Variants in ZHX3 observed in about 807,000 individuals in gnomAD.
ZHX3 encodes zinc fingers and homeoboxes protein 3.
Under a neutral mutation model 64.5 loss-of-function variants are expected in ZHX3, and 20 were observed. That is an observed-to-expected ratio of 0.31 (90% CI 0.22 to 0.45). The LOEUF (loss-of-function observed/expected upper bound fraction) is 0.45. Among genes scored for constraint, ZHX3 ranks in the 20% least tolerant of loss-of-function variants. The pLI is 1.00. For synonymous variants in ZHX3, 423 were observed against 461.6 expected (o/e 0.92, Z 1.07); for missense variants, 1,041 against 1,195.8 (o/e 0.87, Z 1.91).
At chr20:41,287,344 C>A (rs2043988406) in intron 1 of ZHX3, among the ~76,000 whole-genome samples, 1 of 152,090 alleles carries the variant, frequency 6.6e-6, no homozygotes, top group South Asian at 2.1e-4. Context: ...CATGTATTAC[C>A]ATTTGACACA....
intron 2 of ZHX3, among the ~76,000 whole-genome samples, chr20:41,234,072 T>C (rs1013253868): frequency 6.6e-6 from 1 of 152,198 alleles, no homozygotes; most frequent in Admixed American, 6.5e-5. Flanking sequence ...GCAAAGGGTC[T>C]GACTAAGAAG....
intron 2 of ZHX3, among the ~76,000 whole-genome samples, chr20:41,255,630 G>A (rs2042210431): frequency 6.6e-6 from 1 of 152,056 alleles, no homozygotes; most frequent in Non-Finnish European, 1.5e-5. Flanking sequence ...TACCAACAAG[G>A]ACATATCTAC....
chr20:41,202,651 A>T lies in ZHX3; in HGVS notation c.2266T>A (p.Ser756Thr), dbSNP rs770952598. 9.3e-6 allele frequency: 15 copies of T among 1,613,258 alleles called. No homozygotes were observed. The highest frequency in any genetic ancestry group is 1.3e-5 in the Non-Finnish European group (15 of 1,179,874). ...LGACDPEDDE[S>T]NKLAEQLPGK... ...GGGAGCTGCTCTGCCAGTTTGTTTG[A>T]CTCATCATCCTCAGGGTCACAGGCA... Residue 756 changes from serine (S) to threonine (T), a missense_variant, in exon 3 of 4, where the codon TCA (serine) becomes ACA (threonine). By Grantham distance (58) the Ser-to-Thr change is moderately conservative (BLOSUM62 1). Coordinates refer to ENST00000683867, the MANE Select transcript of ZHX3 (RefSeq NM_001384317.1). This position sits in a 1 kb window ranked among gnomAD's most constrained non-coding sequence, Gnocchi z 7.0.
At chr20:41,271,806 G>A (rs568700527) in intron 1 of ZHX3, 10 of 152,160 alleles carry the variant, frequency 6.6e-5, no homozygotes, top group African/African-American at 2.4e-4. Context: ...TTTTTGCACA[G>A]GCTCTGCTTG....
At chr20:41,205,851 A>G (rs943847550) in intron 2 of ZHX3, among the ~76,000 whole-genome samples, 5 of 152,182 alleles carry the variant, frequency 3.3e-5, no homozygotes, top group East Asian at 1.9e-4. Flanking sequence ...TGCCTCCCCA[A>G]GTGGGTCCCT....
Position 41,185,247 on chromosome 20 carries a change from C to T in ZHX3, c.2861-46G>A. 6.4e-7 allele frequency: 1 copy of T among 1,565,128 alleles called. No homozygotes were observed. The highest frequency in any genetic ancestry group is 1.2e-5 in the South Asian group (1 of 82,904). On this transcript the variant is annotated intron_variant, in intron 3 of 3. Coordinates refer to ENST00000683867, the MANE Select transcript of ZHX3 (RefSeq NM_001384317.1). This position sits in a 1 kb window ranked among gnomAD's most constrained non-coding sequence, Gnocchi z 5.0. ...TGTCACTCTACGGCAGCTGCCACCACCTGCCCCCCAGGCAGCCTGGTCCTT... is the reference window on the plus strand; with the variant it reads ...TGTCACTCTACGGCAGCTGCCACCATCTGCCCCCCAGGCAGCCTGGTCCTT...
At chr20:41,267,750 G>C (rs1294970274) in intron 2 of ZHX3, 1 of 152,230 alleles carries the variant, frequency 6.6e-6, no homozygotes, top group Non-Finnish European at 1.5e-5. Context: ...GTAGCCATTT[G>C]GCTATCTGGG....
At chr20:41,269,809 A>G (rs1213313364) in intron 1 of ZHX3, among the ~76,000 whole-genome samples, 1 of 151,836 alleles carries the variant, frequency 6.6e-6, no homozygotes, top group Non-Finnish European at 1.5e-5. Context: ...GGCATTGTAC[A>G]CTAGACTCTA....
intron 3 of ZHX3, among the ~76,000 whole-genome samples, chr20:41,194,752 T>C (rs2037341171): frequency 1.3e-5 from 2 of 152,200 alleles, no homozygotes; most frequent in African/African-American, 4.8e-5. Context: ...ATATTTTGGT[T>C]TTTTATTTAT....
chr20:41,192,249 T>C (rs781693193), intron 3 of ZHX3, among the ~76,000 whole-genome samples: 7 of 152,100 alleles, frequency 4.6e-5, no homozygotes, highest in Admixed American at 3.9e-4. Context: ...CAAGTGCCAA[T>C]GGTGGTGGAC....
rs576804803 is a variant in ZHX3, at chr20:41,247,597, G to A, written c.-151+21393C>T. Among the ~76,000 whole-genome samples the A allele has an allele frequency of 2.6e-5, 4 of 152,070 alleles. No homozygotes were observed. In the South Asian group the frequency reaches 8.3e-4, roughly 32 times the overall value. On this transcript the variant is annotated intron_variant, in intron 2 of 3. Transcript: ENST00000683867. The stretch of plus-strand genomic sequence containing the variant: ...ATTAAGTAGCATGTTCAGGCTTTTT[G>A]CCTCCTTCCTCTTCCCCTCCACTCC...
intron 2 of ZHX3, among the ~76,000 whole-genome samples, chr20:41,221,352 C>T (rs150398794): frequency 6.6e-6 from 1 of 152,186 alleles, no homozygotes; most frequent in Non-Finnish European, 1.5e-5. Context: ...GGATTTAATC[C>T]ACAGCACCAG....
Position 41,178,524 on chromosome 20 carries a change from C to T in ZHX3, c.*6667G>A, listed in dbSNP as rs1271489535. The T allele has an allele frequency of 3.9e-5, 6 of 152,736 alleles. No homozygotes were observed. The highest frequency in any genetic ancestry group is 3.9e-4 in the Admixed American group (6 of 15,310). 9.5% of individuals were successfully genotyped at this position (152,736 alleles called of 1,614,324 possible). ...CCATTGAGGCCCATTTCAAATTGTACAAGCAATTTGTCCGTGTTCCCCTCC... is the reference window on the plus strand; with the variant it reads ...CCATTGAGGCCCATTTCAAATTGTATAAGCAATTTGTCCGTGTTCCCCTCC... On this transcript the variant is annotated 3_prime_UTR_variant, in exon 4 of 4. Transcript: ENST00000683867.
intron 1 of ZHX3, among the ~76,000 whole-genome samples, chr20:41,278,204 GT>G (rs2043488663): frequency 7.2e-6 from 1 of 138,218 alleles, no homozygotes. Context: ...TTAGCTGGGT[GT>G]TGGGGGTAAC....
chr20:41,307,143 C>T (rs765060734), intron 1 of ZHX3, among the ~76,000 whole-genome samples: 15 of 152,250 alleles, frequency 9.9e-5, no homozygotes, highest in Non-Finnish European at 1.6e-4. Context: ...GAAAGAGCCA[C>T]TCTGGACATG....
At position 41,277,429 on chromosome 20, in the gene ZHX3, G is replaced by C. The variant is rs566236213; in HGVS notation, c.-244-8346C>G. On this transcript the variant is annotated intron_variant, in intron 1 of 3. Transcript: ENST00000683867. Reference sequence around the variant, plus strand: ...TACGTGGCTAATATTTTGAGAAAAAGGTATATTTTTAAAGTATTTGATACA... The same window carrying C: ...TACGTGGCTAATATTTTGAGAAAAACGTATATTTTTAAAGTATTTGATACA... Among the ~76,000 whole-genome samples the C allele has an allele frequency of 8.4e-4, 127 of 151,936 alleles. 1 individual carries two copies. Among genetic ancestry groups the C allele is most frequent in the South Asian group, 5.2e-3 (25 of 4,794 alleles).
intron 3 of ZHX3, among the ~76,000 whole-genome samples, chr20:41,187,618 C>T (rs892164042): frequency 6.6e-6 from 1 of 151,980 alleles, no homozygotes; most frequent in Admixed American, 6.6e-5. Context: ...TATTTTATTC[C>T]ATTGGTTTTG....
At chr20:41,308,403 T>C (rs2045040207) in intron 1 of ZHX3, among the ~76,000 whole-genome samples, 1 of 152,200 alleles carries the variant, frequency 6.6e-6, no homozygotes, top group African/African-American at 2.4e-5. Context: ...ATTCACCAGT[T>C]TGAAAGCCAG....
intron 2 of ZHX3, among the ~76,000 whole-genome samples, chr20:41,211,277 A>G (rs1600792834): frequency 6.6e-6 from 1 of 152,326 alleles, no homozygotes; most frequent in South Asian, 2.1e-4. Context: ...TAATTCTAAT[A>G]CTAAAATCAA....
Sources: gnomAD v4.1 joint callset for allele counts (sites outside exome capture counted in the v4.1 genomes callset) on GRCh38, gnomAD v4.1.1 for gene constraint, Gnocchi (gnomAD v3.1) non-coding constraint, MANE v1.5 for transcripts, NCBI Gene and HGNC (gene_info 2026-07-23, HGNC 2026-07-21) for gene names.